The following MIPOL1 variants were observed in gnomAD, a reference collection of about 807,000 sequenced individuals.
MIPOL1 encodes mirror-image polydactyly gene 1 protein.
MIPOL1 carries 57 observed loss-of-function variants against 60.9 expected under a neutral mutation model. That is an observed-to-expected ratio of 0.94 (90% CI 0.76 to 1.17). The LOEUF is 1.17. Ranked by LOEUF, MIPOL1 falls within the 50% of genes most tolerant of loss-of-function variation. MIPOL1 has a pLI of 0.00. For missense variants in MIPOL1, 551 were observed against 511.6 expected (o/e 1.08, Z -0.74); for synonymous variants, 179 against 168.8 (o/e 1.06, Z -0.47).
intron 9 of MIPOL1, among the ~76,000 whole-genome samples, chr14:37,368,247 AT>A (rs2092538358): frequency 6.6e-6 from 1 of 152,076 alleles, no homozygotes; most frequent in Admixed American, 6.6e-5. Flanking sequence ...ATTGTATTAT[AT>A]ATGTATGAAG....
chr14:37,388,491 T>G (rs572752164), intron 10 of MIPOL1, among the ~76,000 whole-genome samples: 4 of 151,428 alleles, frequency 2.6e-5, no homozygotes, highest in South Asian at 2.1e-4. Context: ...TTTGTGTTTT[T>G]TTTTTTTTTT....
At chr14:37,273,017 A>G (rs887943915) in intron 6 of MIPOL1, among the ~76,000 whole-genome samples, 1 of 151,340 alleles carries the variant, frequency 6.6e-6, no homozygotes, top group Non-Finnish European at 1.5e-5. Context: ...ATTTATATTT[A>G]AAGATATTCA....
intron 1 of MIPOL1, among the ~76,000 whole-genome samples, chr14:37,202,384 TAC>T (rs3061896): frequency 0.4 from 59,685 of 149,522 alleles, 13,677 homozygotes; most frequent in African/African-American, 0.65. Context: ...TGCATTTCAT[TAC>T]ACACACACAC....
In MIPOL1 at chr14:37,236,163, C is replaced by G. The variant is rs535532656; in HGVS notation, c.-198-10940C>G. Reference sequence around the variant, plus strand: ...CTGGTCTCGAACTCCTGAGCTCAGGCAATCCACCCACCTTGGCCTCCCAAA... The same window carrying G: ...CTGGTCTCGAACTCCTGAGCTCAGGGAATCCACCCACCTTGGCCTCCCAAA... On this transcript the variant is annotated intron_variant, in intron 1 of 12. Coordinates refer to ENST00000684589, the MANE Select transcript of MIPOL1 (RefSeq NM_001388067.1). Among the ~76,000 whole-genome samples the G allele has an allele frequency of 2.0e-3, 304 of 152,028 alleles. 1 individual carries two copies. The highest frequency in any genetic ancestry group is 7.2e-3 in the African/African-American group (299 of 41,486).
Position 37,422,745 on chromosome 14 carries a change from G to GT in MIPOL1, c.937-110_937-109insT. On this transcript the variant is annotated intron_variant, in intron 10 of 12. Coordinates refer to ENST00000684589, the MANE Select transcript of MIPOL1 (RefSeq NM_001388067.1). ...TGAGACACTGCTAAAAACATTCATA[G>GT]GTTTTTTTTTTTAACTGTCAGTAAT... 4.4e-6 allele frequency: 3 copies of GT among 688,654 alleles called. No homozygotes were observed. The South Asian group carries it at 5.9e-5, about 14-fold the overall frequency. The allele number at this position is 688,654 out of a possible 1,614,324, so 42.7% of individuals were successfully genotyped here. A position where few individuals can be genotyped will look rare whatever the true frequency, so the allele number is the denominator to read the frequency against.
intron 9 of MIPOL1, among the ~76,000 whole-genome samples, chr14:37,365,290 C>G (rs1175055034): frequency 6.6e-6 from 1 of 152,114 alleles, no homozygotes; most frequent in East Asian, 1.9e-4. Context: ...TTTTCCAGAT[C>G]TTAGAGGAAA....
At chr14:37,451,375 G>GT (rs1030854089) in intron 11 of MIPOL1, among the ~76,000 whole-genome samples, 1 of 151,980 alleles carries the variant, frequency 6.6e-6, no homozygotes, top group Admixed American at 6.6e-5. Flanking sequence ...TTCTACTTGT[G>GT]TTTTTTTGAG....
intron 10 of MIPOL1, among the ~76,000 whole-genome samples, chr14:37,411,592 C>A (rs184579405): frequency 2.0e-3 from 308 of 152,198 alleles, no homozygotes; most frequent in African/African-American, 6.5e-3. Flanking sequence ...GCCTCTGGAC[C>A]AGCTGCCTGT....
chr14:37,207,394 C>A (rs1535137), intron 1 of MIPOL1, among the ~76,000 whole-genome samples: 1 of 151,972 alleles, frequency 6.6e-6, no homozygotes, highest in South Asian at 2.1e-4. Context: ...CTTTCTTTTG[C>A]AAATTGCCTA....
intron 12 of MIPOL1, chr14:37,545,515 T>C (rs533146324): frequency 1.5e-5 from 7 of 476,588 alleles, no homozygotes; most frequent in African/African-American, 4.0e-5. Context: ...ATATACAACA[T>C]TTATGTATAG....
At chr14:37,258,725 A>G (rs1040990269) in intron 3 of MIPOL1, among the ~76,000 whole-genome samples, 1 of 152,138 alleles carries the variant, frequency 6.6e-6, no homozygotes, top group Admixed American at 6.6e-5. Flanking sequence ...AAGCTTAAAC[A>G]TATGATAGAA....
chr14:37,209,283 G>A (rs1008003965), intron 1 of MIPOL1, among the ~76,000 whole-genome samples: 10 of 152,114 alleles, frequency 6.6e-5, no homozygotes, highest in African/African-American at 2.4e-4. Context: ...CTTCCAGTTG[G>A]AGCATTTGGC....
chr14:37,328,034 CAG>C (rs71127207), intron 9 of MIPOL1, among the ~76,000 whole-genome samples: 33,224 of 151,562 alleles, frequency 0.22, 4,101 homozygotes, highest in South Asian at 0.36. Flanking sequence ...TTTTTTGAGA[CAG>C]AGTTTCGCTC....
At chr14:37,271,594 A>G (rs888306876) in intron 6 of MIPOL1, among the ~76,000 whole-genome samples, 1 of 151,856 alleles carries the variant, frequency 6.6e-6, no homozygotes, top group African/African-American at 2.4e-5. Flanking sequence ...AACTACCGTA[A>G]TGTTTTTATT....
intron 12 of MIPOL1, among the ~76,000 whole-genome samples, chr14:37,532,602 C>T (rs941462226): frequency 2.0e-5 from 3 of 152,148 alleles, no homozygotes; most frequent in African/African-American, 7.2e-5. Context: ...AAACCTGTCT[C>T]CTGGTAAAAT....
chr14:37,315,339 T>TTATAAGTGA (rs1166466149), intron 9 of MIPOL1, among the ~76,000 whole-genome samples: 1 of 152,176 alleles, frequency 6.6e-6, no homozygotes, highest in Non-Finnish European at 1.5e-5. Flanking sequence ...AGGAAGATAC[T>TTATAAGTGA]TATAAGTGAT....
chr14:37,290,023 A>G (rs1465413286), intron 7 of MIPOL1, among the ~76,000 whole-genome samples: 1 of 152,248 alleles, frequency 6.6e-6, no homozygotes, highest in Non-Finnish European at 1.5e-5. Context: ...GGAAGAGCTC[A>G]TAAATACCTT....
chr14:37,380,439 A>T (rs2153508221), intron 10 of MIPOL1, among the ~76,000 whole-genome samples: 1 of 152,254 alleles, frequency 6.6e-6, no homozygotes, highest in Middle Eastern at 3.4e-3. Context: ...GTGAAAGGTG[A>T]TTCCATGGAT....
rs539911377 is a variant in MIPOL1, at chr14:37,525,258, G to A, written c.1263-21647G>A. ...ATCACTGAGCATACAGTCTAGCAAG[G>A]GATACTGACCAGTAAACAGCAATCA... is the stretch of plus-strand genomic sequence containing the variant. On this transcript the variant is annotated intron_variant, in intron 12 of 12. Coordinates refer to ENST00000684589, the MANE Select transcript of MIPOL1 (RefSeq NM_001388067.1). Among the ~76,000 whole-genome samples, 30 of 152,264 alleles carry A rather than the reference G, an allele frequency of 2.0e-4. No homozygotes were observed. In the South Asian group the frequency reaches 6.0e-3, roughly 30 times the overall value.
Sources: gnomAD v4.1 joint callset for allele counts (sites outside exome capture counted in the v4.1 genomes callset) on GRCh38, gnomAD v4.1.1 for gene constraint, MANE v1.5 for transcripts, NCBI Gene and HGNC (gene_info 2026-07-23, HGNC 2026-07-21) for gene names.